The following NETO1 variants were observed in gnomAD, a reference collection of about 807,000 sequenced individuals.
The protein encoded by NETO1 is neuropilin and tolloid like 1, also known as neuropilin and tolloid-like protein 1.
Under a neutral mutation model 61.3 loss-of-function variants are expected in NETO1, and 26 were observed. The ratio of observed to expected loss-of-function variants is 0.42; its 90% CI spans 0.31 to 0.59. NETO1 has a LOEUF of 0.59. Among genes scored for constraint, NETO1 ranks in the 20% least tolerant of loss-of-function variants. The probability of loss-of-function intolerance (pLI) is 0.12; values close to 1 mark genes in which losing one functional copy is unlikely to be tolerated. For synonymous variants in NETO1, 225 were observed against 225.8 expected (o/e 1.00, Z 0.03); for missense variants, 531 against 662.8 (o/e 0.80, Z 2.18).
chr18:72,867,593 A>C lies in NETO1; in HGVS notation c.-302T>G. The C allele has an allele frequency of 2.7e-5, 7 of 258,452 alleles. No homozygotes were observed. The highest frequency in any genetic ancestry group is 6.7e-5 in the East Asian group (1 of 15,008). 16.0% of individuals were successfully genotyped at this position (258,452 alleles called of 1,614,324 possible). A position where few individuals can be genotyped will look rare whatever the true frequency, so the allele number is the denominator to read the frequency against. ...TCACACCCGGGCGCCGGCCGCCACCATCCGCGCCGCCGCCGTCAGGACCCT... is the reference window on the plus strand; with the variant it reads ...TCACACCCGGGCGCCGGCCGCCACCCTCCGCGCCGCCGCCGTCAGGACCCT... On this transcript the variant is annotated 5_prime_UTR_variant, in exon 1 of 11. The change abolishes an upstream ATG in the 5' untranslated region. Coordinates refer to ENST00000327305, the MANE Select transcript of NETO1 (RefSeq NM_138966.5).
rs185271018 is a variant in NETO1 at position 72,808,311 on chromosome 18, C to T, written c.470-13907G>A. ...GAACTACATGAGTGTCTAGGAATAA[C>T]GAAGTGCAGTCTTTGGGACCCAGGC... On this transcript the variant is annotated intron_variant, in intron 4 of 10. Transcript: ENST00000327305. 1.1e-4 allele frequency among the ~76,000 whole-genome samples: 16 copies of T among 152,146 alleles called. 1 individual carries two copies. Among genetic ancestry groups the T allele is most frequent in the African/African-American group, 3.6e-4 (15 of 41,506 alleles).
chr18:72,772,751 A>C (rs539909950), intron 7 of NETO1, among the ~76,000 whole-genome samples: 3,327 of 31,860 alleles, frequency 0.1, 69 homozygotes, highest in African/African-American at 0.15. Context: ...ACATCTCTCT[A>C]TATATATCTA....
intron 2 of NETO1, 31 bp downstream of exon 2, chr18:72,865,157 C>T: frequency 6.3e-7 from 1 of 1,598,304 alleles, no homozygotes; most frequent in Non-Finnish European, 8.6e-7. Flanking sequence ...AATTCGAGGT[C>T]TTCCACTAGC....
chr18:72,793,971 T>C (rs1351301799), intron 6 of NETO1, 146 bp downstream of exon 6: 9 of 929,406 alleles, frequency 9.7e-6, no homozygotes, highest in Non-Finnish European at 1.3e-5. Context: ...GAAGACAAGT[T>C]ACATCTCAAA....
At chr18:72,762,564 G>C (rs1202223625) in intron 7 of NETO1, among the ~76,000 whole-genome samples, 1 of 152,068 alleles carries the variant, frequency 6.6e-6, no homozygotes, top group Non-Finnish European at 1.5e-5. Context: ...AAGTTTGCAT[G>C]AAAAAATACG....
At position 72,772,825 on chromosome 18, in the gene NETO1, C is replaced by CTA. The variant is rs59339805; in HGVS notation, c.868+10851_868+10852dup. Among the ~76,000 whole-genome samples, 46 of 40,792 alleles carry CTA rather than the reference C, an allele frequency of 1.1e-3. 1 individual carries two copies. The highest frequency in any genetic ancestry group is 3.1e-3 in the South Asian group (2 of 646). 26.8% of individuals were successfully genotyped at this position (40,792 alleles called of 152,430 possible). ...TCTCTCTCTCTCTCTCTCTCTCTCT[C>CTA]TATATATATATATATATATATATAT... On this transcript the variant is annotated intron_variant, in intron 7 of 10. Transcript: ENST00000327305.
intron 7 of NETO1, among the ~76,000 whole-genome samples, chr18:72,765,570 C>T (rs1297353290): frequency 6.6e-6 from 1 of 152,074 alleles, no homozygotes; most frequent in Non-Finnish European, 1.5e-5. Flanking sequence ...AGGCACCTGT[C>T]ACTGTGCCTG....
intron 7 of NETO1, among the ~76,000 whole-genome samples, chr18:72,763,070 G>T (rs1036011522): frequency 2.6e-5 from 4 of 151,532 alleles, no homozygotes; most frequent in Non-Finnish European, 4.4e-5. Context: ...GTAACTTAAA[G>T]GTTTTTAATT....
chr18:72,856,039 A>G (rs949565101), intron 4 of NETO1, among the ~76,000 whole-genome samples: 5 of 152,224 alleles, frequency 3.3e-5, no homozygotes, highest in African/African-American at 1.2e-4. Context: ...TAGTATGTAT[A>G]CATATGTATA....
chr18:72,839,225 A>G (rs1401394633), intron 4 of NETO1, among the ~76,000 whole-genome samples: 1 of 152,218 alleles, frequency 6.6e-6, no homozygotes, highest in African/African-American at 2.4e-5. Context: ...TATGAGTAAA[A>G]AGAAGCAAGA....
At chr18:72,748,355 T>A (rs1387668943) in intron 10 of NETO1, 191 bp from the exon 11 acceptor site, 2 of 945,804 alleles carry the variant, frequency 2.1e-6, no homozygotes, top group Non-Finnish European at 2.5e-6. Flanking sequence ...AATATAGATA[T>A]AAACAATCAA....
chr18:72,766,550 T>C (rs553372382), intron 7 of NETO1, among the ~76,000 whole-genome samples: 4 of 152,260 alleles, frequency 2.6e-5, no homozygotes, highest in Non-Finnish European at 4.4e-5. Flanking sequence ...ATCAATATGT[T>C]TTCAAAACTC....
intron 4 of NETO1, among the ~76,000 whole-genome samples, chr18:72,813,362 G>A (rs950919885): frequency 6.6e-5 from 10 of 152,126 alleles, no homozygotes; most frequent in Non-Finnish European, 1.2e-4. Flanking sequence ...TTCTAGGCCC[G>A]AAACAATTCC....
In NETO1 at chr18:72,819,160, TTCTC is replaced by T. The variant is rs2073115682; in HGVS notation, c.470-24760_470-24757del. The stretch of plus-strand genomic sequence containing the variant: ...TCTTACTGTCTTACTGTTTATCTCT[TTCTC>T]TCTCCCTCTCTCAAACTTCCTTCCA... On this transcript the variant is annotated intron_variant, in intron 4 of 10. Coordinates refer to ENST00000327305, the MANE Select transcript of NETO1 (RefSeq NM_138966.5). Among the ~76,000 whole-genome samples, 10 of 152,276 alleles carry T rather than the reference TTCTC, an allele frequency of 6.6e-5. 1 individual carries two copies. The South Asian group carries it at 2.1e-3, about 32-fold the overall frequency.
At chr18:72,759,788 T>G (rs1396513781) in intron 7 of NETO1, among the ~76,000 whole-genome samples, 2 of 152,222 alleles carry the variant, frequency 1.3e-5, no homozygotes, top group East Asian at 1.9e-4. Context: ...AGATTCAATA[T>G]TCATCATTTA....
chr18:72,819,285 CTG>C (rs905452013), intron 4 of NETO1, among the ~76,000 whole-genome samples: 14 of 152,124 alleles, frequency 9.2e-5, no homozygotes, highest in African/African-American at 3.4e-4. Flanking sequence ...TTCAGGAAAA[CTG>C]TACCACATTT....
intron 6 of NETO1, among the ~76,000 whole-genome samples, chr18:72,788,303 G>A (rs2071990551): frequency 6.6e-6 from 1 of 152,174 alleles, no homozygotes; most frequent in South Asian, 2.1e-4. Context: ...TCTAGTGATG[G>A]CAATGATTTT....
At chr18:72,794,026 T>C (rs1211149879) in intron 6 of NETO1, 91 bp downstream of exon 6, 3 of 1,520,222 alleles carry the variant, frequency 2.0e-6, no homozygotes, top group Non-Finnish European at 1.8e-6. Flanking sequence ...CTCTGAAATG[T>C]ATTAGACACG....
chr18:72,864,703 C>T, intron 3 of NETO1, 105 bp downstream of exon 3: 2 of 1,427,608 alleles, frequency 1.4e-6, no homozygotes, highest in Non-Finnish European at 1.9e-6. Flanking sequence ...CGCATGATCT[C>T]CAGATCAATT....
Sources: gnomAD v4.1 joint callset for allele counts (sites outside exome capture counted in the v4.1 genomes callset) on GRCh38, gnomAD v4.1.1 for gene constraint, MANE v1.5 for transcripts, NCBI Gene and HGNC (gene_info 2026-07-23, HGNC 2026-07-21) for gene names.